The following EGF variants were observed in gnomAD, a reference collection of about 807,000 sequenced individuals.
The protein encoded by EGF is pro-epidermal growth factor.
EGF carries 95 observed loss-of-function variants against 143.8 expected under a neutral mutation model. That is an observed-to-expected ratio of 0.66 (90% CI 0.56 to 0.78). The LOEUF is 0.78. Ranked by LOEUF, EGF falls within the 30% of genes least tolerant of loss-of-function variation. The pLI, the probability that EGF is intolerant of heterozygous loss-of-function variation, is 0.00. For missense variants in EGF, 1,320 were observed against 1,470.9 expected, an observed-to-expected ratio of 0.90 and a Z score of 1.68; for synonymous variants, 510 against 510.5, an observed-to-expected ratio of 1.00 and a Z score of 0.01.
chr4:110,001,611 A>G (rs1168892069), intron 21 of EGF: 40 of 985,246 alleles, frequency 4.1e-5, no homozygotes, highest in African/African-American at 1.6e-4. Context: ...GTGTTATGAT[A>G]TAGTATGTCT....
chr4:109,954,579 A>T lies in EGF; in HGVS notation c.941-4733A>T, dbSNP rs1276905273. ...AACTTCTATACTGTTCAGTTTGAGA[A>T]GTTTTTTGAGGAAGTTGAGGCAGTC... On this transcript the variant is annotated intron_variant, in intron 5 of 23. Coordinates refer to ENST00000265171, the MANE Select transcript of EGF (RefSeq NM_001963.6). Among the ~76,000 whole-genome samples, 31 of 152,196 alleles carry T rather than the reference A, an allele frequency of 2.0e-4. 1 individual carries two copies. The highest frequency in any genetic ancestry group is 2.0e-3 in the Admixed American group (31 of 15,278).
At chr4:109,916,291 C>T (rs932550455) in intron 1 of EGF, among the ~76,000 whole-genome samples, 7 of 152,002 alleles carry the variant, frequency 4.6e-5, no homozygotes, top group South Asian at 2.1e-4. Context: ...CAGGGTTATG[C>T]GATTTTTTTT....
At chr4:109,997,653 T>G (rs986436962) in intron 20 of EGF, among the ~76,000 whole-genome samples, 2 of 152,092 alleles carry the variant, frequency 1.3e-5, no homozygotes, top group Non-Finnish European at 2.9e-5. Flanking sequence ...GGTTTCACCG[T>G]GTTAGCCAGG....
rs745372330 is a variant in EGF at position 109,961,844 on chromosome 4, C to T, written c.1190-19C>T. The T allele has an allele frequency of 6.2e-6, 10 of 1,613,154 alleles. No homozygotes were observed. The highest frequency in any genetic ancestry group is 1.7e-4 in the Middle Eastern group (1 of 6,050). On this transcript the variant is annotated intron_variant, in intron 7 of 23. Coordinates refer to ENST00000265171, the MANE Select transcript of EGF (RefSeq NM_001963.6). ...AACCCGATTTAACACTAATCTTGAC[C>T]TTGTTCTTTATTAATTAGAACTTGT...
intron 23 of EGF, among the ~76,000 whole-genome samples, chr4:110,010,903 A>G (rs540817514): frequency 1.3e-5 from 2 of 152,170 alleles, no homozygotes; most frequent in Admixed American, 6.5e-5. Flanking sequence ...TATAAAAAAT[A>G]CAAAAGTTAG....
intron 18 of EGF, among the ~76,000 whole-genome samples, chr4:109,989,826 G>A (rs1289463503): frequency 1.3e-5 from 2 of 152,136 alleles, no homozygotes; most frequent in African/African-American, 4.8e-5. Flanking sequence ...AGCACGCAAT[G>A]GGGTGTGCTC....
chr4:109,981,061 G>C (rs147776004), intron 15 of EGF, 86 bp downstream of exon 15: 2 of 1,566,108 alleles, frequency 1.3e-6, no homozygotes, highest in African/African-American at 2.7e-5. Context: ...TGCTGATTTT[G>C]AATATTTTGG....
chr4:109,994,687 C>T, intron 19 of EGF, 46 bp from the exon 20 acceptor site: 2 of 1,601,562 alleles, frequency 1.2e-6, no homozygotes. Context: ...ACTTGAAAGA[C>T]ACTAATCCAT....
At chr4:109,935,884 A>C (rs1490661560) in intron 1 of EGF, among the ~76,000 whole-genome samples, 1 of 152,148 alleles carries the variant, frequency 6.6e-6, no homozygotes, top group African/African-American at 2.4e-5. Context: ...CTTGCATCCC[A>C]GGGGTGAAGC....
intron 10 of EGF, among the ~76,000 whole-genome samples, chr4:109,967,103 A>G (rs1290851390): frequency 6.6e-6 from 1 of 152,124 alleles, no homozygotes; most frequent in African/African-American, 2.4e-5. Context: ...GGGCTTAGTC[A>G]TGATTTCTTT....
chr4:109,942,663 A>G (rs28719677), intron 2 of EGF, among the ~76,000 whole-genome samples: 2,636 of 152,264 alleles, frequency 0.017, 80 homozygotes, highest in African/African-American at 0.059. Flanking sequence ...GGGCATTTTT[A>G]TCATGAAAGA....
chr4:110,008,229 T>G lies in EGF; in HGVS notation c.3369T>G (p.Asp1123Glu). ...CTGGTGAGGATGGCCAGGCAGCAGA[T>G]GGTCAGTTTTTATCCCTGGCTCCTG... is the stretch of plus-strand genomic sequence containing the variant. ...PVAGEDGQAA[D>E]GSMQPTSWRQ... The change falls in exon 23 of 24, where the codon GAT (aspartate) becomes GAG (glutamate). Residue 1123 changes from aspartate to glutamate, a missense_variant and splice_region_variant. Physicochemically the swap from Asp to Glu is conservative, Grantham distance 45. Transcript: ENST00000265171. The G allele has an allele frequency of 1.9e-6, 3 of 1,613,994 alleles. No individual in the cohort carries two copies. The highest frequency in any genetic ancestry group is 1.7e-6 in the Non-Finnish European group (2 of 1,179,946).
chr4:109,969,179 T>A (rs138503070), intron 11 of EGF, 60 bp downstream of exon 11: 3 of 1,605,504 alleles, frequency 1.9e-6, no homozygotes, highest in Non-Finnish European at 2.6e-6. Flanking sequence ...TAGGTAATAC[T>A]ATTGGCTTCA....
intron 5 of EGF, among the ~76,000 whole-genome samples, chr4:109,951,657 G>A (rs1209523887): frequency 6.6e-6 from 1 of 152,110 alleles, no homozygotes; most frequent in Non-Finnish European, 1.5e-5. Context: ...TTAATTAAGT[G>A]TGATAATTAG....
At chr4:109,996,888 C>T (rs1234821415) in intron 20 of EGF, among the ~76,000 whole-genome samples, 1 of 152,216 alleles carries the variant, frequency 6.6e-6, no homozygotes, top group Non-Finnish European at 1.5e-5. Context: ...AAACACCCTT[C>T]TGAACAGGTC....
chr4:109,967,458 G>C (rs1746785894), intron 10 of EGF, among the ~76,000 whole-genome samples: 2 of 152,094 alleles, frequency 1.3e-5, no homozygotes, highest in African/African-American at 4.8e-5. Context: ...ATAGTATAAA[G>C]TCAGGTACTA....
chr4:109,968,803 A>C, intron 10 of EGF, 168 bp from the exon 11 acceptor site: 1 of 718,166 alleles, frequency 1.4e-6, no homozygotes, highest in Middle Eastern at 3.9e-4. Context: ...TAACTTGCTT[A>C]AGGTTACACG....
chr4:109,944,996 T>C, intron 4 of EGF, 77 bp from the exon 5 acceptor site: 1 of 1,470,198 alleles, frequency 6.8e-7, no homozygotes, highest in South Asian at 1.2e-5. Flanking sequence ...AGACAATAAA[T>C]TGAAATGAAG....
At chr4:109,980,382 G>A (rs192962534) in intron 14 of EGF, among the ~76,000 whole-genome samples, 7 of 152,116 alleles carry the variant, frequency 4.6e-5, no homozygotes, top group Admixed American at 3.3e-4. Flanking sequence ...GCTGCATTTC[G>A]AAGAGCCTTG....
Sources: gnomAD v4.1 joint callset for allele counts (sites outside exome capture counted in the v4.1 genomes callset) on GRCh38, gnomAD v4.1.1 for gene constraint, MANE v1.5 for transcripts, NCBI Gene and HGNC (gene_info 2026-07-23, HGNC 2026-07-21) for gene names.